LIMCH1: variants seen among roughly 807,000 people sequenced by gnomAD.
LIMCH1 encodes the protein LIM and calponin homology domains 1.
In LIMCH1, 113 loss-of-function variants were observed where a neutral mutation model predicts 176.5. The observed-to-expected ratio is 0.64, with a 90% CI of 0.55 to 0.75. The LOEUF is 0.75. Among genes scored for constraint, LIMCH1 ranks in the 30% least tolerant of loss-of-function variants. The probability of loss-of-function intolerance (pLI) is 0.00; values close to 1 mark genes in which losing one functional copy is unlikely to be tolerated. For synonymous variants in LIMCH1, 619 were observed against 645.9 expected (o/e 0.96, Z 0.63); for missense variants, 1,674 against 1,814.9 (o/e 0.92, Z 1.41).
At chr4:41,615,858 C>T (rs1025005214) in intron 5 of LIMCH1, among the ~76,000 whole-genome samples, 1 of 152,142 alleles carries the variant, frequency 6.6e-6, no homozygotes, top group African/African-American at 2.4e-5. Flanking sequence ...TTATTATCCA[C>T]TCCCACTAAT....
chr4:41,413,950 G>T (rs115660584), intron 1 of LIMCH1, among the ~76,000 whole-genome samples: 2,744 of 152,290 alleles, frequency 0.018, 85 homozygotes, highest in African/African-American at 0.062. Flanking sequence ...AGACCTTAAA[G>T]GGGGGCAGGG....
chr4:41,594,709 G>A (rs1461762838), intron 1 of LIMCH1, among the ~76,000 whole-genome samples: 1 of 152,140 alleles, frequency 6.6e-6, no homozygotes, highest in Admixed American at 6.5e-5. Context: ...AGCCCAAATT[G>A]TTTGGGCTGG....
At chr4:41,435,529 C>G (rs984339136) in intron 1 of LIMCH1, among the ~76,000 whole-genome samples, 8 of 152,242 alleles carry the variant, frequency 5.3e-5, no homozygotes, top group African/African-American at 9.6e-5. Flanking sequence ...ATACACCCTT[C>G]TTGTCCTAAA....
In LIMCH1 at chr4:41,605,885, G is replaced by T; in HGVS notation, c.-102-9G>T. On this transcript the variant is annotated splice_polypyrimidine_tract_variant and intron_variant, in intron 3 of 31. Transcript: ENST00000503057. The stretch of plus-strand genomic sequence containing the variant: ...GGAAAAATCTGCTCTTGTGCGTTTT[G>T]TTCCACAGGTATTAGTTACCATTTA... 1 of 1,589,660 alleles carries T rather than the reference G, an allele frequency of 6.3e-7. No homozygotes were observed. Among genetic ancestry groups the T allele is most frequent in the Non-Finnish European group, 8.6e-7 (1 of 1,158,328 alleles).
At chr4:41,441,957 T>C (rs888438752) in intron 1 of LIMCH1, among the ~76,000 whole-genome samples, 4 of 152,210 alleles carry the variant, frequency 2.6e-5, no homozygotes, top group African/African-American at 9.6e-5. Flanking sequence ...TCTCTCTCTG[T>C]CCCTAAACTC....
chr4:41,525,493 T>C (rs2076550770), intron 3 of LIMCH1, among the ~76,000 whole-genome samples: 1 of 152,198 alleles, frequency 6.6e-6, no homozygotes, highest in Non-Finnish European at 1.5e-5. Flanking sequence ...GGGGGGTCCT[T>C]GTGGGAAGGT....
intron 1 of LIMCH1, among the ~76,000 whole-genome samples, chr4:41,486,271 G>A (rs1234183069): frequency 1.3e-5 from 2 of 152,140 alleles, no homozygotes; most frequent in Non-Finnish European, 2.9e-5. Context: ...TCCTGCCCTT[G>A]TGTCTTTGGA....
At chr4:41,464,251 C>T (rs1265949676) in intron 1 of LIMCH1, among the ~76,000 whole-genome samples, 1 of 151,848 alleles carries the variant, frequency 6.6e-6, no homozygotes, top group Non-Finnish European at 1.5e-5. Flanking sequence ...TCTTCCTCCA[C>T]TGGGCTGTGT....
intron 2 of LIMCH1, among the ~76,000 whole-genome samples, chr4:41,503,376 G>A (rs1470669583): frequency 2.0e-5 from 3 of 152,176 alleles, no homozygotes; most frequent in East Asian, 1.9e-4. Context: ...AGTTGGGGAG[G>A]AAAGTTGCTC....
At chr4:41,696,589 T>C (rs1730836333) in intron 31 of LIMCH1, among the ~76,000 whole-genome samples, 1 of 152,198 alleles carries the variant, frequency 6.6e-6, no homozygotes, top group Non-Finnish European at 1.5e-5. Context: ...TATTGCATGC[T>C]CTGGATTTAA....
At position 41,388,145 on chromosome 4, in the gene LIMCH1, T is replaced by G. The variant is rs553353322; in HGVS notation, c.96+27209T>G. ...CTTACCACAGACCCAGCAATTCTAC[T>G]TTTAGGTAGCTACCTTAGAGAATTG... On this transcript the variant is annotated intron_variant, in intron 1 of 26. Transcript: ENST00000313860. Among the ~76,000 whole-genome samples, 7 of 152,318 alleles carry G rather than the reference T, an allele frequency of 4.6e-5. 2 individuals are homozygous for G. The highest frequency in any genetic ancestry group is 1.7e-4 in the African/African-American group (7 of 41,568).
intron 1 of LIMCH1, among the ~76,000 whole-genome samples, chr4:41,460,478 A>ATATATATATATATATATATATATC (rs1410622782): frequency 2.1e-5 from 3 of 145,072 alleles, no homozygotes; most frequent in African/African-American, 7.7e-5. Context: ...ATATATATAT[A>ATATATATATATATATATATATATC]TCTTATAATA....
intron 1 of LIMCH1, among the ~76,000 whole-genome samples, chr4:41,413,352 C>G (rs1370706969): frequency 6.6e-6 from 1 of 151,104 alleles, no homozygotes; most frequent in Non-Finnish European, 1.5e-5. Flanking sequence ...TTTTTTGAGA[C>G]AAGGTCTCAT....
At chr4:41,563,597 T>C (rs1011055248) in intron 1 of LIMCH1, among the ~76,000 whole-genome samples, 3 of 152,208 alleles carry the variant, frequency 2.0e-5, no homozygotes, top group Non-Finnish European at 2.9e-5. Context: ...TGTAGTTTAC[T>C]GAGAAATTCT....
chr4:41,419,613 T>C (rs1270598684), intron 1 of LIMCH1, among the ~76,000 whole-genome samples: 5 of 81,628 alleles, frequency 6.1e-5, no homozygotes, highest in Admixed American at 1.2e-4. Flanking sequence ...CGTCCTTCCT[T>C]CCTTCCTTCC....
At chr4:41,618,033 T>C (rs546554618) in intron 5 of LIMCH1, among the ~76,000 whole-genome samples, 1 of 152,360 alleles carries the variant, frequency 6.6e-6, no homozygotes, top group South Asian at 2.1e-4. Flanking sequence ...TCATGGCTAA[T>C]GAGCAGCAGA....
chr4:41,646,962 A>G (rs2094089322), intron 17 of LIMCH1, 69 bp downstream of exon 17: 2 of 1,368,316 alleles, frequency 1.5e-6, no homozygotes, highest in Middle Eastern at 1.9e-4. Context: ...AAGCATCATG[A>G]CTCAAGAAAA....
chr4:41,579,588 A>G (rs1584405997), intron 1 of LIMCH1, among the ~76,000 whole-genome samples: 1 of 152,300 alleles, frequency 6.6e-6, no homozygotes, highest in East Asian at 1.9e-4. Context: ...TATGTGTCTA[A>G]ACATCAAACA....
intron 2 of LIMCH1, among the ~76,000 whole-genome samples, chr4:41,518,012 A>C (rs1359518575): frequency 6.6e-6 from 1 of 152,142 alleles, no homozygotes; most frequent in Non-Finnish European, 1.5e-5. Flanking sequence ...GCAAAGAATA[A>C]AGTGATTTCC....
Sources: gnomAD v4.1 joint callset for allele counts (sites outside exome capture counted in the v4.1 genomes callset) on GRCh38, gnomAD v4.1.1 for gene constraint, MANE v1.5 for transcripts, NCBI Gene and HGNC (gene_info 2026-07-23, HGNC 2026-07-21) for gene names.